The following ZBTB37 variants were observed in gnomAD, a reference collection of about 807,000 sequenced individuals.
ZBTB37 encodes the protein zinc finger and BTB domain containing 37.
Under a neutral mutation model 37.7 loss-of-function variants are expected in ZBTB37, and 15 were observed. The observed-to-expected ratio is 0.40, with a 90% CI of 0.27 to 0.61. ZBTB37 has a LOEUF of 0.61. ZBTB37 is among the 20% of genes least tolerant of loss of function. ZBTB37 has a pLI of 0.44. For synonymous variants in ZBTB37, 231 were observed against 220.6 expected, an observed-to-expected ratio of 1.05 and a Z score of -0.42; for missense variants, 514 against 641.9, an observed-to-expected ratio of 0.80 and a Z score of 2.15.
At chr1:173,884,577 T>C (rs1006075905) in intron 4 of ZBTB37, among the ~76,000 whole-genome samples, 1 of 152,216 alleles carries the variant, frequency 6.6e-6, no homozygotes, top group Non-Finnish European at 1.5e-5. Context: ...TAAACTTTAG[T>C]AGTCTTTAGA....
At chr1:173,876,017 C>T (rs1442547612) in intron 4 of ZBTB37, among the ~76,000 whole-genome samples, 1 of 152,092 alleles carries the variant, frequency 6.6e-6, no homozygotes, top group Admixed American at 6.6e-5. Flanking sequence ...CATTTATTTT[C>T]TTCCTGAATA....
chr1:173,871,223 A>G (rs776637830), intron 3 of ZBTB37, 75 bp downstream of exon 3: 57 of 1,365,212 alleles, frequency 4.2e-5, no homozygotes, highest in Non-Finnish European at 5.4e-5. Flanking sequence ...TCTGTAGTAC[A>G]GAGAGCATTT....
At chr1:173,892,715 A>G (rs1656888647) in exon 4 of ZBTB37, 1 of 152,196 alleles carries the variant, frequency 6.6e-6, no homozygotes, top group Non-Finnish European at 1.5e-5. Context: ...ACCATTATCA[A>G]TATATCAGTA....
At chr1:173,881,115 C>T (rs1011524394) in intron 4 of ZBTB37, among the ~76,000 whole-genome samples, 10 of 152,062 alleles carry the variant, frequency 6.6e-5, no homozygotes, top group Non-Finnish European at 1.2e-4. Context: ...TCCTCCCACC[C>T]CACGACAGGC....
chr1:173,881,003 G>A (rs1386653451), intron 4 of ZBTB37, among the ~76,000 whole-genome samples: 1 of 150,124 alleles, frequency 6.7e-6, no homozygotes, highest in Non-Finnish European at 1.5e-5. Flanking sequence ...TGTGCACAAC[G>A]TGCAGGTTTG....
downstream of ZBTB37, chr1:173,887,213 C>T (rs1217338955): frequency 6.6e-6 from 1 of 152,144 alleles, no homozygotes; most frequent in Non-Finnish European, 1.5e-5. Flanking sequence ...CACTATGGTT[C>T]TTACTGCAAC....
intron 3 of ZBTB37, among the ~76,000 whole-genome samples, chr1:173,872,249 G>T (rs1203597883): frequency 6.6e-6 from 1 of 151,874 alleles, no homozygotes. Context: ...TTGTGTGTGT[G>T]TTTTTAGTAG....
intron 4 of ZBTB37, among the ~76,000 whole-genome samples, chr1:173,884,761 T>C (rs958431325): frequency 7.2e-5 from 11 of 152,256 alleles, no homozygotes; most frequent in African/African-American, 1.7e-4. Flanking sequence ...CTATCTGATA[T>C]AGTAAATGGT....
rs183240038 is a variant in ZBTB37, at chr1:173,869,417, G to A, written c.-30+297G>A. ...TTTAAAAATATTTTAATGGAAAAAT[G>A]TTGGCATACTTGGTAAATGCTGTAT... On this transcript the variant is annotated intron_variant, in intron 2 of 4. Transcript: ENST00000427304. 3.2e-3 allele frequency among the ~76,000 whole-genome samples: 489 copies of A among 152,304 alleles called. 1 individual carries two copies. The highest frequency in any genetic ancestry group is 0.011 in the African/African-American group (451 of 41,546).
exon 5 of ZBTB37, chr1:173,885,694 A>G (rs1260710858): frequency 6.4e-7 from 1 of 1,552,032 alleles, no homozygotes; most frequent in African/African-American, 1.4e-5. Context: ...CGAGAGCAGG[A>G]AGTATCTGAG....
At chr1:173,889,471 T>C (rs1443156634), downstream of ZBTB37, 6 of 152,352 alleles carry the variant, frequency 3.9e-5, no homozygotes, top group Middle Eastern at 3.4e-3. Flanking sequence ...TTGCAAACAC[T>C]GGGACTGTTT....
chr1:173,883,966 T>C (rs560442530), intron 4 of ZBTB37, among the ~76,000 whole-genome samples: 1 of 152,348 alleles, frequency 6.6e-6, no homozygotes, highest in African/African-American at 2.4e-5. Context: ...TGACATTTTC[T>C]TCTCTTTGCA....
intron 4 of ZBTB37, among the ~76,000 whole-genome samples, chr1:173,876,118 T>C (rs1655953038): frequency 1.3e-5 from 2 of 152,168 alleles, no homozygotes; most frequent in Admixed American, 1.3e-4. Context: ...AGTATGAGTT[T>C]GCTCATTTTT....
intron 4 of ZBTB37, among the ~76,000 whole-genome samples, chr1:173,875,759 A>G (rs1655931271): frequency 6.6e-6 from 1 of 151,370 alleles, no homozygotes; most frequent in African/African-American, 2.4e-5. Flanking sequence ...GGTTCAGGTG[A>G]TTCTCTCCCC....
At chr1:173,899,354 T>A (rs752255983) in exon 4 of ZBTB37, 4 of 152,236 alleles carry the variant, frequency 2.6e-5, no homozygotes, top group African/African-American at 7.2e-5. Flanking sequence ...TCTTTTGCTA[T>A]AACACATACT....
At chr1:173,900,379 G>C (rs1325833724) in exon 4 of ZBTB37, 2 of 152,204 alleles carry the variant, frequency 1.3e-5, no homozygotes, top group Non-Finnish European at 2.9e-5. Flanking sequence ...ATCCCAGGTA[G>C]TAAACGTGTT....
Position 173,873,653 on chromosome 1 carries a change from T to C in ZBTB37, c.1023+87T>C, listed in dbSNP as rs745855147. On this transcript the variant is annotated intron_variant, in intron 4 of 4. Coordinates refer to ENST00000427304, the Ensembl canonical transcript of ZBTB37. ...AGAAAATAATGAAAAAGAAAAGATG[T>C]AGGAGAGGTAACAATGGCCCTGTTA... The C allele has an allele frequency of 3.2e-6, 5 of 1,558,566 alleles. No individual in the cohort carries two copies. The East Asian group carries it at 1.2e-4, about 36-fold the overall frequency.
intron 4 of ZBTB37, among the ~76,000 whole-genome samples, chr1:173,874,912 T>A (rs1010690088): frequency 2.7e-4 from 41 of 151,784 alleles, no homozygotes; most frequent in South Asian, 8.3e-4. Context: ...ACTTTTTTTT[T>A]AAAATTCTTG....
downstream of ZBTB37, chr1:173,886,905 T>A (rs1025941314): frequency 6.6e-6 from 1 of 152,250 alleles, no homozygotes; most frequent in African/African-American, 2.4e-5. Context: ...TTTGCAAATA[T>A]CAAACAGCAC....
Sources: gnomAD v4.1 joint callset for allele counts (sites outside exome capture counted in the v4.1 genomes callset) on GRCh38, gnomAD v4.1.1 for gene constraint, MANE v1.5 for transcripts, NCBI Gene and HGNC (gene_info 2026-07-23, HGNC 2026-07-21) for gene names.